The following UBTD1 variants were observed in gnomAD, a reference collection of about 807,000 sequenced individuals.
UBTD1 encodes ubiquitin domain containing 1, also known as ubiquitin domain-containing protein 1.
Under a neutral mutation model 21.7 loss-of-function variants are expected in UBTD1, and 19 were observed. The observed-to-expected ratio is 0.87, with a 90% confidence interval of 0.61 to 1.28. The LOEUF (loss-of-function observed/expected upper bound fraction) is 1.28, where lower values mean the gene tolerates loss of function less well. Ranked by LOEUF, UBTD1 falls within the 50% of genes most tolerant of loss-of-function variation. UBTD1 has a pLI of 0.00. For missense variants in UBTD1, 282 were observed against 315.1 expected, an observed-to-expected ratio of 0.89 and a Z score of 0.80; for synonymous variants, 116 against 135.1, an observed-to-expected ratio of 0.86 and a Z score of 0.98.
At chr10:97,564,307 A>G (rs1446330498) in intron 1 of UBTD1, among the ~76,000 whole-genome samples, 2 of 152,150 alleles carry the variant, frequency 1.3e-5, no homozygotes, top group Non-Finnish European at 2.9e-5. Context: ...AAAAGTTCAA[A>G]TGGACTGTAC....
intron 1 of UBTD1, among the ~76,000 whole-genome samples, chr10:97,556,128 G>T (rs1414168085): frequency 1.3e-5 from 2 of 152,140 alleles, no homozygotes; most frequent in Non-Finnish European, 2.9e-5. Context: ...TCAGACAAGG[G>T]AGCAGTAAGC....
intron 1 of UBTD1, among the ~76,000 whole-genome samples, chr10:97,537,164 C>T (rs770317539): frequency 4.6e-5 from 7 of 152,076 alleles, no homozygotes; most frequent in Non-Finnish European, 7.3e-5. Flanking sequence ...CTTGAGTGCC[C>T]GGCAGGATCT....
chr10:97,559,889 A>T (rs1034993620), intron 1 of UBTD1, among the ~76,000 whole-genome samples: 13 of 152,078 alleles, frequency 8.5e-5, no homozygotes, highest in African/African-American at 3.1e-4. Flanking sequence ...AATTTTTTTA[A>T]TCTTTTAATG....
At chr10:97,561,559 GAA>G (rs1235480584) in intron 1 of UBTD1, among the ~76,000 whole-genome samples, 1 of 152,096 alleles carries the variant, frequency 6.6e-6, no homozygotes, top group East Asian at 1.9e-4. Context: ...TGGTCAGAGA[GAA>G]AGAGAACAGG....
intron 1 of UBTD1, among the ~76,000 whole-genome samples, chr10:97,560,718 C>T (rs747605762): frequency 3.9e-5 from 6 of 152,080 alleles, no homozygotes; most frequent in Non-Finnish European, 8.8e-5. Flanking sequence ...CTGTAATCTC[C>T]CTTAAATTCT....
chr10:97,517,485 C>T (rs1332817298), intron 1 of UBTD1, among the ~76,000 whole-genome samples: 1 of 152,186 alleles, frequency 6.6e-6, no homozygotes, highest in Non-Finnish European at 1.5e-5. Context: ...AACGTGGGGA[C>T]AGTCTCTGCC....
At chr10:97,505,234 T>C in intron 1 of UBTD1, among the ~76,000 whole-genome samples, 1 of 152,192 alleles carries the variant, frequency 6.6e-6, no homozygotes. Context: ...TATAACCTCT[T>C]TTTTCTTACC....
chr10:97,507,643 G>A (rs2040404571), intron 1 of UBTD1, among the ~76,000 whole-genome samples: 1 of 151,732 alleles, frequency 6.6e-6, no homozygotes, highest in African/African-American at 2.4e-5. Flanking sequence ...GGGCATGGTG[G>A]CACGTGCCTG....
intron 1 of UBTD1, among the ~76,000 whole-genome samples, chr10:97,532,675 A>T (rs2040538045): frequency 1.3e-5 from 2 of 152,162 alleles, no homozygotes; most frequent in Admixed American, 1.3e-4. Flanking sequence ...CTGTAGTCCC[A>T]GCTACTTGGG....
chr10:97,502,771 G>A (rs779894382), intron 1 of UBTD1, among the ~76,000 whole-genome samples: 6 of 151,970 alleles, frequency 3.9e-5, no homozygotes, highest in Non-Finnish European at 8.8e-5. Context: ...TTGCATTAGG[G>A]AGAAGGGAGA....
chr10:97,545,117 G>A (rs1383477411), intron 1 of UBTD1, among the ~76,000 whole-genome samples: 3 of 151,582 alleles, frequency 2.0e-5, no homozygotes, highest in Non-Finnish European at 2.9e-5. Context: ...GGTGGATCAC[G>A]AGGTCAGGAG....
At chr10:97,569,975 G>C (rs1168611376) in intron 2 of UBTD1, among the ~76,000 whole-genome samples, 163 bp from the exon 3 acceptor site, 1 of 151,738 alleles carries the variant, frequency 6.6e-6, no homozygotes, top group South Asian at 2.1e-4. Flanking sequence ...AGGGCCCCAC[G>C]CTATGACCTC....
At chr10:97,544,507 T>C (rs1272740877) in intron 1 of UBTD1, among the ~76,000 whole-genome samples, 1 of 152,176 alleles carries the variant, frequency 6.6e-6, no homozygotes, top group African/African-American at 2.4e-5. Flanking sequence ...GGGTTAGGAA[T>C]GCTGACCCCC....
At chr10:97,537,526 C>T (rs566447317) in intron 1 of UBTD1, among the ~76,000 whole-genome samples, 37 of 152,318 alleles carry the variant, frequency 2.4e-4, no homozygotes, top group Non-Finnish European at 4.6e-4. Context: ...GAAACTGAGG[C>T]GCAAAGCTTG....
At chr10:97,550,267 G>A (rs1440715593) in intron 1 of UBTD1, among the ~76,000 whole-genome samples, 2 of 152,180 alleles carry the variant, frequency 1.3e-5, no homozygotes, top group African/African-American at 4.8e-5. Context: ...CTTGGTAACC[G>A]AGTGTGGAAC....
chr10:97,502,961 G>A (rs1414021949), intron 1 of UBTD1, among the ~76,000 whole-genome samples: 1 of 150,344 alleles, frequency 6.7e-6, no homozygotes, highest in Non-Finnish European at 1.5e-5. Flanking sequence ...CTCTCGCTCA[G>A]GCTGGAGTAT....
In UBTD1 at chr10:97,556,030, T is replaced by C. The variant is rs532943491; in HGVS notation, c.71-11884T>C. Among the ~76,000 whole-genome samples the C allele has an allele frequency of 2.6e-5, 4 of 152,328 alleles. No individual in the cohort carries two copies. The East Asian group carries it at 7.7e-4, about 29-fold the overall frequency. On this transcript the variant is annotated intron_variant, in intron 1 of 2. Coordinates refer to ENST00000370664, the MANE Select transcript of UBTD1 (RefSeq NM_024954.5). Reference sequence around the variant, plus strand: ...TATGTCTTTTTGTGCAATAGATTGATAGTGATTTATATAGTATGCTTGTGC... The same window carrying C: ...TATGTCTTTTTGTGCAATAGATTGACAGTGATTTATATAGTATGCTTGTGC...
intron 2 of UBTD1, among the ~76,000 whole-genome samples, chr10:97,569,355 C>A (rs925856079): frequency 1.3e-5 from 2 of 152,238 alleles, no homozygotes; most frequent in African/African-American, 4.8e-5. Flanking sequence ...GACACTAAGG[C>A]CCATGGAGAG....
chr10:97,533,999 T>A (rs1302439488), intron 1 of UBTD1, among the ~76,000 whole-genome samples: 1 of 151,682 alleles, frequency 6.6e-6, no homozygotes, highest in Non-Finnish European at 1.5e-5. Context: ...CCACAGCCCA[T>A]CTGCCCTAGG....
Sources: gnomAD v4.1 joint callset for allele counts (sites outside exome capture counted in the v4.1 genomes callset) on GRCh38, gnomAD v4.1.1 for gene constraint, MANE v1.5 for transcripts, NCBI Gene and HGNC (gene_info 2026-07-23, HGNC 2026-07-21) for gene names.